SOX5: variants seen among roughly 807,000 people sequenced by gnomAD.
SOX5 encodes the protein transcription factor SOX-5.
In SOX5, 9 loss-of-function variants were observed where a neutral mutation model predicts 92.0. The observed-to-expected ratio is 0.10, with a 90% confidence interval of 0.06 to 0.17. The LOEUF (loss-of-function observed/expected upper bound fraction) is 0.17, where lower values mean the gene tolerates loss of function less well. Among genes scored for constraint, SOX5 ranks in the 10% least tolerant of loss-of-function variants. The pLI is 1.00. For missense variants in SOX5, 642 were observed against 944.5 expected (o/e 0.68, Z 4.20); for synonymous variants, 344 against 336.3 (o/e 1.02, Z -0.25).
chr12:23,923,009 C>G (rs1217847457), intron 1 of SOX5, among the ~76,000 whole-genome samples: 3 of 151,528 alleles, frequency 2.0e-5, no homozygotes, highest in Non-Finnish European at 4.4e-5. Context: ...GCAGTGGCGC[C>G]ATCTCGGCTC....
intron 2 of SOX5, among the ~76,000 whole-genome samples, chr12:24,340,936 C>T (rs912458861): frequency 5.9e-5 from 9 of 152,192 alleles, no homozygotes; most frequent in African/African-American, 2.2e-4. Context: ...AACAAGCCCA[C>T]TGATCCAATG....
At chr12:24,473,826 C>T (rs931168223) in intron 1 of SOX5, among the ~76,000 whole-genome samples, 1 of 151,958 alleles carries the variant, frequency 6.6e-6, no homozygotes, top group African/African-American at 2.4e-5. Flanking sequence ...GATCTATAAT[C>T]GAAGATAGAG....
chr12:23,949,713 T>TGGG, upstream of SOX5: 1 of 1,271,942 alleles, frequency 7.9e-7, no homozygotes, highest in Non-Finnish European at 1.0e-6. Flanking sequence ...CTCTGTCTCT[T>TGGG]CCCCCCCTCC....
At chr12:24,169,629 A>G (rs1024819427) in intron 4 of SOX5, among the ~76,000 whole-genome samples, 3 of 152,212 alleles carry the variant, frequency 2.0e-5, no homozygotes, top group African/African-American at 7.2e-5. Flanking sequence ...GTTGTCCAGC[A>G]CTAGGCTAAA....
At position 23,532,641 on chromosome 12, in the gene SOX5, TC is replaced by T. The variant is rs1294266080; in HGVS notation, c.*1577del. On this transcript the variant is annotated 3_prime_UTR_variant, in exon 15 of 15. Transcript: ENST00000451604. Reference sequence around the variant, plus strand: ...AGCAAGGGAAGAGCAGTGGCAAGGATCCCTGGGTGCAGCCAGGCTCCATTTT... The same window carrying T: ...AGCAAGGGAAGAGCAGTGGCAAGGATCCTGGGTGCAGCCAGGCTCCATTTT... 1.3e-5 allele frequency: 2 copies of T among 152,268 alleles called. No individual in the cohort carries two copies. Among genetic ancestry groups the T allele is most frequent in the African/African-American group, 4.8e-5 (2 of 41,424 alleles). The allele number at this position is 152,268 out of a possible 1,614,324, so 9.4% of individuals were successfully genotyped here.
At chr12:23,551,020 C>A (rs1944100823) in intron 11 of SOX5, among the ~76,000 whole-genome samples, 1 of 151,930 alleles carries the variant, frequency 6.6e-6, no homozygotes, top group African/African-American at 2.4e-5. Context: ...GACACACATA[C>A]ACAAAGAGAT....
intron 4 of SOX5, among the ~76,000 whole-genome samples, chr12:24,029,852 A>G (rs1265130236): frequency 1.3e-5 from 2 of 152,004 alleles, no homozygotes; most frequent in Admixed American, 1.3e-4. Context: ...TTTGTTCGGT[A>G]TGGTATCTTT....
chr12:23,929,759 T>C (rs556417113), intron 1 of SOX5, among the ~76,000 whole-genome samples: 1 of 152,078 alleles, frequency 6.6e-6, no homozygotes, highest in South Asian at 2.1e-4. Flanking sequence ...AAAACAATTT[T>C]TAGAACTACT....
chr12:24,502,161 A>C (rs373877856), intron 1 of SOX5, among the ~76,000 whole-genome samples: 230 of 152,348 alleles, frequency 1.5e-3, no homozygotes, highest in African/African-American at 5.4e-3. Flanking sequence ...AAATGAATGC[A>C]TGGGGCAAGA....
intron 2 of SOX5, among the ~76,000 whole-genome samples, chr12:24,283,658 A>G (rs1249170597): frequency 6.6e-6 from 1 of 152,206 alleles, no homozygotes; most frequent in Non-Finnish European, 1.5e-5. Context: ...CACGATAGCG[A>G]TATCTTACAT....
chr12:24,388,718 C>T (rs527576367), intron 1 of SOX5, among the ~76,000 whole-genome samples: 12 of 152,230 alleles, frequency 7.9e-5, no homozygotes, highest in Admixed American at 6.5e-4. Flanking sequence ...TGAACACTTT[C>T]GTCACCCCAG....
intron 9 of SOX5, among the ~76,000 whole-genome samples, chr12:23,588,447 G>A (rs1241963528): frequency 6.6e-6 from 1 of 151,938 alleles, no homozygotes; most frequent in Non-Finnish European, 1.5e-5. Context: ...TAATTAATGT[G>A]TAGTGAAACT....
intron 4 of SOX5, among the ~76,000 whole-genome samples, chr12:24,147,941 G>C (rs1312200588): frequency 6.6e-6 from 1 of 152,076 alleles, no homozygotes; most frequent in African/African-American, 2.4e-5. Flanking sequence ...TTGGTCAGAG[G>C]GCTTGATATT....
chr12:23,645,621 A>G (rs1373462813), intron 7 of SOX5, among the ~76,000 whole-genome samples: 3 of 152,188 alleles, frequency 2.0e-5, no homozygotes, highest in African/African-American at 4.8e-5. Context: ...CTAATTATTA[A>G]TATCAAATTT....
At chr12:24,416,722 T>C (rs1176355537) in intron 1 of SOX5, among the ~76,000 whole-genome samples, 1 of 152,148 alleles carries the variant, frequency 6.6e-6, no homozygotes, top group African/African-American at 2.4e-5. Flanking sequence ...GCGATGATAG[T>C]CAAACACAGT....
intron 8 of SOX5, among the ~76,000 whole-genome samples, chr12:23,626,734 T>C (rs763180812): frequency 1.9e-4 from 29 of 149,532 alleles, no homozygotes; most frequent in Non-Finnish European, 3.9e-4. Context: ...TAGCTATACT[T>C]ATAGGTATTT....
intron 4 of SOX5, among the ~76,000 whole-genome samples, chr12:24,028,965 G>C (rs1955188628): frequency 6.6e-6 from 1 of 152,016 alleles, no homozygotes; most frequent in Non-Finnish European, 1.5e-5. Context: ...AGTTGGCGCT[G>C]CTTAGAAGCA....
rs111531136 is a variant in SOX5 at position 24,035,430 on chromosome 12, C to T, written c.-1-139406G>A. Among the ~76,000 whole-genome samples, 937 of 152,152 alleles carry T rather than the reference C, an allele frequency of 6.2e-3. 9 individuals carry two copies. The highest frequency in any genetic ancestry group is 0.021 in the African/African-American group (860 of 41,520). On this transcript the variant is annotated intron_variant, in intron 4 of 4. Transcript: ENST00000446891. ...AAGAATTCAAAATCAGAAATAAAAACTGGATTTCCTAACATGCCACTTGAA... is the reference window on the plus strand; with the variant it reads ...AAGAATTCAAAATCAGAAATAAAAATTGGATTTCCTAACATGCCACTTGAA...
At chr12:23,814,046 T>C (rs757818786) in intron 3 of SOX5, among the ~76,000 whole-genome samples, 2 of 152,146 alleles carry the variant, frequency 1.3e-5, no homozygotes, top group Non-Finnish European at 2.9e-5. Context: ...ATGCTTTTTC[T>C]TTTTATAAAT....
Sources: gnomAD v4.1 joint callset for allele counts (sites outside exome capture counted in the v4.1 genomes callset) on GRCh38, gnomAD v4.1.1 for gene constraint, MANE v1.5 for transcripts, NCBI Gene and HGNC (gene_info 2026-07-23, HGNC 2026-07-21) for gene names.